GIGYF1: variants seen among roughly 807,000 people sequenced by gnomAD.
GIGYF1 encodes GRB10 interacting GYF protein 1, also known as GRB10-interacting GYF protein 1.
Under a neutral mutation model 147.1 loss-of-function variants are expected in GIGYF1, and 84 were observed. That is an observed-to-expected ratio of 0.57 (90% CI 0.48 to 0.68). The LOEUF is 0.68. Among genes scored for constraint, GIGYF1 ranks in the 30% least tolerant of loss-of-function variants. The pLI, the probability that GIGYF1 is intolerant of heterozygous loss-of-function variation, is 0.00. For synonymous variants in GIGYF1, 752 were observed against 589.5 expected (o/e 1.28, Z -3.99); for missense variants, 1,485 against 1,393.7 (o/e 1.07, Z -1.04).
Position 100,684,833 on chromosome 7 carries a change from GC to G in GIGYF1, c.1351del (p.Ala451LeufsTer60). On this transcript the variant is annotated frameshift_variant, in exon 15 of 27. Transcript: ENST00000678049. LOFTEE classifies it high-confidence loss of function. ...DSSLEEEQFT[A>X]AMQTQGLRHS... ...GCGCAGGCCCTGGGTCTGCATGGCA[GC>G]CGTGAACTGCTCCTCCTCCAAGGAG... 6.2e-7 allele frequency: 1 copy of G among 1,607,542 alleles called. No individual in the cohort carries two copies. Among genetic ancestry groups the G allele is most frequent in the Non-Finnish European group, 8.5e-7 (1 of 1,176,632 alleles).
chr7:100,687,261 C>A (rs778849608), intron 8 of GIGYF1, 37 bp downstream of exon 8: 21 of 1,586,564 alleles, frequency 1.3e-5, no homozygotes, highest in Non-Finnish European at 1.6e-5. Context: ...CCTCCCTGGC[C>A]TGCCCGGCTC....
intron 9 of GIGYF1, 93 bp downstream of exon 9, chr7:100,686,913 G>T: frequency 6.2e-7 from 1 of 1,600,422 alleles, no homozygotes. Context: ...AGGCCCTCCT[G>T]CCCCCAACAC....
At chr7:100,687,457 CAG>C (rs777148023) in intron 7 of GIGYF1, 46 bp downstream of exon 7, 9 of 1,607,040 alleles carry the variant, frequency 5.6e-6, no homozygotes, top group East Asian at 4.5e-5. Context: ...TTCTCGAAGT[CAG>C]GGGCCCAGAT....
chr7:100,690,392 C>T (rs1805732282), intron 1 of GIGYF1, among the ~76,000 whole-genome samples: 1 of 152,186 alleles, frequency 6.6e-6, no homozygotes, highest in Non-Finnish European at 1.5e-5. Flanking sequence ...CCTATAATCC[C>T]AGCACTGTGG....
rs748751420 is a variant in GIGYF1 at position 100,682,488 on chromosome 7, G to A, written c.2601-6C>T. The A allele has an allele frequency of 3.7e-6, 6 of 1,610,754 alleles. No individual in the cohort carries two copies. The highest frequency in any genetic ancestry group is 2.2e-5 in the South Asian group (2 of 91,062). On this transcript the variant is annotated splice_polypyrimidine_tract_variant and splice_region_variant and intron_variant, in intron 23 of 26. Coordinates refer to ENST00000678049, the MANE Select transcript of GIGYF1 (RefSeq NM_001375765.1). Reference sequence around the variant, plus strand: ...ATAGGTGGCTGTATGAGTCACTGAAGGGGGAGGGTGAGTCAGGGTTGGAAA... The same window carrying A: ...ATAGGTGGCTGTATGAGTCACTGAAAGGGGAGGGTGAGTCAGGGTTGGAAA...
In GIGYF1 at chr7:100,689,560, G is replaced by A. The variant is rs372621455; in HGVS notation, c.-1098-5C>T. ...TCAACTCCAGGACGCCACAGTCTGG[G>A]AAAGAAGAGGAAGCGGGTTCAACCA... On this transcript the variant is annotated splice_polypyrimidine_tract_variant and splice_region_variant and intron_variant, in intron 1 of 26. Transcript: ENST00000678049. 6.6e-6 allele frequency: 1 copy of A among 152,664 alleles called. No individual in the cohort carries two copies. Among genetic ancestry groups the A allele is most frequent in the Non-Finnish European group, 1.5e-5 (1 of 68,428 alleles). The allele number at this position is 152,664 out of a possible 1,614,324, so 9.5% of individuals were successfully genotyped here.
Position 100,684,136 on chromosome 7 carries a change from C to T in GIGYF1, c.1752G>A (p.Ala584=), listed in dbSNP as rs146130434. The T allele has an allele frequency of 8.7e-6, 14 of 1,608,506 alleles. No homozygotes were observed. The highest frequency in any genetic ancestry group is 5.3e-5 in the African/African-American group (4 of 74,844). The change falls in exon 18 of 27, where the codon GCG becomes GCA. Residue 584 remains alanine, a synonymous_variant. Coordinates refer to ENST00000678049, the MANE Select transcript of GIGYF1 (RefSeq NM_001375765.1). ...LVSSRQLPQC[A]LREKAALGDL... ...CCCCCAGAGCTGCCTTTTCTCGGAG[C>T]GCGCACTGTGGGAGCTGGCGGCTGC...
intron 6 of GIGYF1, 62 bp downstream of exon 6, chr7:100,687,726 T>TAACCCAACCCATGGCCTCCCCTCCC: frequency 8.2e-7 from 1 of 1,220,852 alleles, no homozygotes; most frequent in Non-Finnish European, 1.1e-6. Flanking sequence ...CCTCTCCTCC[T>TAACCCAACCCATGGCCTCCCCTCCC]AACCCAACCC....
In GIGYF1 at chr7:100,680,566, A is replaced by G. The variant is rs993079288; in HGVS notation, c.*1153T>C. 4 of 152,652 alleles carry G rather than the reference A, an allele frequency of 2.6e-5. No individual in the cohort carries two copies. Among genetic ancestry groups the G allele is most frequent in the Non-Finnish European group, 4.4e-5 (3 of 68,084 alleles). 9.5% of individuals were successfully genotyped at this position (152,652 alleles called of 1,614,324 possible). On this transcript the variant is annotated 3_prime_UTR_variant, in exon 27 of 27. Coordinates refer to ENST00000678049, the MANE Select transcript of GIGYF1 (RefSeq NM_001375765.1). ...CCGGAAGGCCACCTGCTCCTCTCCC[A>G]TTTGGTCAGCGGAAGGGTCAGGTGC...
At chr7:100,693,634 A>C (rs1162484546) in intron 1 of GIGYF1, among the ~76,000 whole-genome samples, 2 of 152,126 alleles carry the variant, frequency 1.3e-5, no homozygotes, top group Non-Finnish European at 2.9e-5. Flanking sequence ...CGCTGGGGAG[A>C]ACTCCGGGAA....
intron 20 of GIGYF1, 30 bp from the exon 21 acceptor site, chr7:100,683,474 G>C (rs764926273): frequency 6.2e-7 from 1 of 1,614,170 alleles, no homozygotes; most frequent in Admixed American, 1.7e-5. Context: ...AGAGGGGAGA[G>C]CTGCAGGGGA....
intron 1 of GIGYF1, among the ~76,000 whole-genome samples, chr7:100,691,818 G>C (rs1203083326): frequency 6.6e-6 from 1 of 152,204 alleles, no homozygotes; most frequent in Non-Finnish European, 1.5e-5. Context: ...CAATGCTTTT[G>C]AAAGACTGCC....
chr7:100,682,789 A>G lies in GIGYF1; in HGVS notation c.2413-12T>C. ...AGGCCCCCAAGCTGCTACAGATGGC[A>G]GAAGATCAGAGTGGCTCAAACAAAG... On this transcript the variant is annotated splice_polypyrimidine_tract_variant and intron_variant, in intron 22 of 26. Transcript: ENST00000678049. 6.6e-7 allele frequency: 1 copy of G among 1,518,234 alleles called. No individual in the cohort carries two copies. The highest frequency in any genetic ancestry group is 1.3e-5 in the South Asian group (1 of 75,684). The allele number at this position is 1,518,234 out of a possible 1,614,324, so 94.0% of individuals were successfully genotyped here. A position where few individuals can be genotyped will look rare whatever the true frequency, so the allele number is the denominator to read the frequency against.
chr7:100,689,964 A>C (rs1030073223), intron 1 of GIGYF1, among the ~76,000 whole-genome samples: 4 of 152,188 alleles, frequency 2.6e-5, no homozygotes, highest in Non-Finnish European at 4.4e-5. Flanking sequence ...AAGGGCAGCC[A>C]CCAGGGGCTG....
rs531083829 is a variant in GIGYF1 at position 100,683,198 on chromosome 7, T to C, written c.2226A>G (p.Leu742=). The part of the protein sequence containing the change: ...VRQQELLLKL[L]QQQQAVPVPP... ...GCACAGGGACCGCCTGCTGCTGCTG[T>C]AGCAACTTCAGCAATAGCTCCTGCT... Residue 742 remains leucine (L), a synonymous_variant, in exon 22 of 27, where the codon CTA becomes CTG. Transcript: ENST00000678049. The C allele has an allele frequency of 1.2e-6, 2 of 1,609,200 alleles. No individual in the cohort carries two copies. Among genetic ancestry groups the C allele is most frequent in the Non-Finnish European group, 1.7e-6 (2 of 1,179,764 alleles).
In GIGYF1 at chr7:100,687,589, C is replaced by A; in HGVS notation, c.289G>T (p.Val97Leu). 1 of 1,612,434 alleles carries A rather than the reference C, an allele frequency of 6.2e-7. No homozygotes were observed. The highest frequency in any genetic ancestry group is 8.5e-7 in the Non-Finnish European group (1 of 1,179,784). ...QRNFSLSVNSVAVLRLMGKGA... is the reference protein window; with the variant it reads ...QRNFSLSVNSLAVLRLMGKGA... ...TTCCCCATCAGCCTCAGCACAGCCA[C>A]GCTGTTCACTGACAGGGAGAAGTTT... The change falls in exon 7 of 27, where the codon GTG becomes TTG. Residue 97 changes from valine (V) to leucine (L), a missense_variant. Coordinates refer to ENST00000678049, the MANE Select transcript of GIGYF1 (RefSeq NM_001375765.1).
chr7:100,682,976 T>C, intron 22 of GIGYF1, 36 bp downstream of exon 22: 1 of 1,444,164 alleles, frequency 6.9e-7, no homozygotes, highest in Non-Finnish European at 9.2e-7. Flanking sequence ...CCCTGGAAAC[T>C]GTAGGGGGAG....
In GIGYF1 at chr7:100,686,308, G is replaced by A; in HGVS notation, c.820C>T (p.His274Tyr). 6.2e-7 allele frequency: 1 copy of A among 1,613,978 alleles called. No individual in the cohort carries two copies. Among genetic ancestry groups the A allele is most frequent in the Non-Finnish European group, 8.5e-7 (1 of 1,180,002 alleles). ...EEGRGGGGSS[H>Y]LRRCRAPEGF... ...TCAGGCGCTCGGCACCGCCGCAGGTGAGAGCTGCCTCCCCCTCCCCGCCCC... is the reference window on the plus strand; with the variant it reads ...TCAGGCGCTCGGCACCGCCGCAGGTAAGAGCTGCCTCCCCCTCCCCGCCCC... The change falls in exon 11 of 27, where the codon CAC becomes TAC. Residue 274 changes from histidine (H) to tyrosine (Y), a missense_variant. By Grantham distance (83) the His-to-Tyr change is moderately conservative (BLOSUM62 2). Coordinates refer to ENST00000678049, the MANE Select transcript of GIGYF1 (RefSeq NM_001375765.1).
At chr7:100,687,441 T>A in intron 7 of GIGYF1, 35 bp from the exon 8 acceptor site, 2 of 1,609,326 alleles carry the variant, frequency 1.2e-6, no homozygotes, top group Non-Finnish European at 1.7e-6. Flanking sequence ...TGAAACCTGC[T>A]GCACGTTCTC....
Sources: gnomAD v4.1 joint callset for allele counts (sites outside exome capture counted in the v4.1 genomes callset) on GRCh38, gnomAD v4.1.1 for gene constraint, MANE v1.5 for transcripts, NCBI Gene and HGNC (gene_info 2026-07-23, HGNC 2026-07-21) for gene names.